KDM4A: variants seen among roughly 807,000 people sequenced by gnomAD.
KDM4A encodes lysine demethylase 4A, also known as lysine-specific demethylase 4A.
Under a neutral mutation model 127.1 loss-of-function variants are expected in KDM4A, and 23 were observed. The ratio of observed to expected loss-of-function variants is 0.18; its 90% CI spans 0.13 to 0.26. The LOEUF (loss-of-function observed/expected upper bound fraction) is 0.26, where lower values mean the gene tolerates loss of function less well. Ranked by LOEUF, KDM4A falls within the 10% of genes least tolerant of loss-of-function variation. The probability of loss-of-function intolerance (pLI) is 1.00; values close to 1 mark genes in which losing one functional copy is unlikely to be tolerated. For missense variants in KDM4A, 890 were observed against 1,329.1 expected, an observed-to-expected ratio of 0.67 and a Z score of 5.14; for synonymous variants, 443 against 466.5, an observed-to-expected ratio of 0.95 and a Z score of 0.65.
chr1:43,672,104 T>G (rs144128173), intron 11 of KDM4A, among the ~76,000 whole-genome samples: 179 of 152,318 alleles, frequency 1.2e-3, no homozygotes, highest in African/African-American at 4.2e-3. Flanking sequence ...TTTTCTGTTA[T>G]CCCTGTGGCT....
intron 19 of KDM4A, chr1:43,702,574 A>G (rs1424816082): frequency 1.3e-5 from 2 of 152,128 alleles, no homozygotes; most frequent in Admixed American, 6.5e-5. Flanking sequence ...CAGACCTTTC[A>G]TTCAGCCAAT....
rs866957416 is a variant in KDM4A at position 43,677,617 on chromosome 1, A to C, written c.1734+5742A>C. Among the ~76,000 whole-genome samples the C allele has an allele frequency of 2.0e-5, 3 of 152,164 alleles. 1 individual carries two copies. In the South Asian group the frequency reaches 6.2e-4, roughly 31 times the overall value. ...TTTTTCCTCACCATTGACTTAATCAAGAAGCTGTCATTGATTGTCCAGTAA... is the reference window on the plus strand; with the variant it reads ...TTTTTCCTCACCATTGACTTAATCACGAAGCTGTCATTGATTGTCCAGTAA... On this transcript the variant is annotated intron_variant, in intron 11 of 21. Coordinates refer to ENST00000372396, the MANE Select transcript of KDM4A (RefSeq NM_014663.3).
At position 43,698,037 on chromosome 1, in the gene KDM4A, AG is replaced by A. The variant is rs1453695082; in HGVS notation, c.2841+26del. On this transcript the variant is annotated intron_variant, in intron 19 of 21. Coordinates refer to ENST00000372396, the MANE Select transcript of KDM4A (RefSeq NM_014663.3). ...TGGTAATATCTGCAAGGAGCTTCTC[AG>A]GCAGTTTGGAATGGGGGGATGTTTC... The A allele has an allele frequency of 5.0e-6, 8 of 1,606,188 alleles. No homozygotes were observed. In the East Asian group the frequency reaches 1.8e-4, roughly 36 times the overall value.
At chr1:43,683,617 G>A (rs1570854441) in intron 11 of KDM4A, 67 bp from the exon 12 acceptor site, 4 of 1,545,594 alleles carry the variant, frequency 2.6e-6, no homozygotes, top group Non-Finnish European at 3.5e-6. Context: ...GGTTTTCATT[G>A]TAAGGGTGAC....
chr1:43,653,717 G>A (rs1385178532), intron 2 of KDM4A: 1 of 154,868 alleles, frequency 6.5e-6, no homozygotes, highest in African/African-American at 2.4e-5. Context: ...TTCTTCAAGG[G>A]GAGAGAATGC....
intron 10 of KDM4A, among the ~76,000 whole-genome samples, chr1:43,671,112 C>A (rs1276737934): frequency 1.3e-5 from 2 of 152,196 alleles, no homozygotes; most frequent in East Asian, 1.9e-4. Context: ...TTAACATCCA[C>A]CCTCTTAATA....
chr1:43,703,993 G>A, intron 20 of KDM4A, 27 bp from the exon 21 acceptor site: 1 of 1,599,660 alleles, frequency 6.3e-7, no homozygotes, highest in Non-Finnish European at 8.6e-7. Context: ...GGATATCCTA[G>A]CCAAAAGGCC....
intron 6 of KDM4A, 172 bp from the exon 7 acceptor site, chr1:43,666,280 G>A: frequency 1.7e-6 from 1 of 602,824 alleles, no homozygotes; most frequent in Non-Finnish European, 2.9e-6. Flanking sequence ...AGTGAGCCTA[G>A]AGGCTCATTG....
Position 43,666,638 on chromosome 1 carries a change from T to C in KDM4A, c.777+83T>C. 2.7e-6 allele frequency: 3 copies of C among 1,113,486 alleles called. No homozygotes were observed. The South Asian group carries it at 3.9e-5, about 15-fold the overall frequency. 69.0% of individuals were successfully genotyped at this position (1,113,486 alleles called of 1,614,324 possible). A position where few individuals can be genotyped will look rare whatever the true frequency, so the allele number is the denominator to read the frequency against. ...ACAGTTTTATTCTAGTTCATCACTATACCAAGAGGGGGCCAAAGCTTAAAT... is the reference window on the plus strand; with the variant it reads ...ACAGTTTTATTCTAGTTCATCACTACACCAAGAGGGGGCCAAAGCTTAAAT... On this transcript the variant is annotated intron_variant, in intron 7 of 21. Coordinates refer to ENST00000372396, the MANE Select transcript of KDM4A (RefSeq NM_014663.3).
In KDM4A at chr1:43,694,970, T is replaced by A; in HGVS notation, c.2670+76T>A. 1 of 1,337,496 alleles carries A rather than the reference T, an allele frequency of 7.5e-7. No homozygotes were observed. The highest frequency in any genetic ancestry group is 2.5e-5 in the East Asian group (1 of 40,776). The allele number at this position is 1,337,496 out of a possible 1,614,324, so 82.9% of individuals were successfully genotyped here. A position where few individuals can be genotyped will look rare whatever the true frequency, so the allele number is the denominator to read the frequency against. On this transcript the variant is annotated intron_variant, in intron 18 of 21. Transcript: ENST00000372396. The surrounding 1 kb of genome is among the most constrained non-coding windows in gnomAD (Gnocchi z 5.2). ...TTCTCTGCATGTTTTCCATTTGTTGTATCAGCAACTATTTCCTCAAGCATT... is the reference window on the plus strand; with the variant it reads ...TTCTCTGCATGTTTTCCATTTGTTGAATCAGCAACTATTTCCTCAAGCATT...
At chr1:43,677,354 A>G (rs1660765246) in intron 11 of KDM4A, among the ~76,000 whole-genome samples, 1 of 151,868 alleles carries the variant, frequency 6.6e-6, no homozygotes, top group African/African-American at 2.4e-5. Flanking sequence ...CAAAAAAAAA[A>G]AAAAAAAAAG....
rs142418212 is a variant in KDM4A, at chr1:43,690,946, G to T, written c.2139G>T (p.Ser713=). The change falls in exon 14 of 22, where the codon TCG becomes TCT. Residue 713 remains serine (S), a synonymous_variant. Transcript: ENST00000372396. ...KPLIPEMCFT[S]TGCSTDINLS... is the part of the protein sequence containing the mutation. ...TGATTCCAGAAATGTGCTTCACTTC[G>T]ACTGGCTGCAGCACGGACATCAACC... 1.2e-6 allele frequency: 2 copies of T among 1,614,042 alleles called. No individual in the cohort carries two copies. Among genetic ancestry groups the T allele is most frequent in the East Asian group, 2.2e-5 (1 of 44,898 alleles).
At chr1:43,651,439 G>A (rs1355731924) in intron 1 of KDM4A, among the ~76,000 whole-genome samples, 4 of 152,188 alleles carry the variant, frequency 2.6e-5, no homozygotes, top group Non-Finnish European at 5.9e-5. Context: ...TTAGAAACAC[G>A]CCTTATTTTT....
At chr1:43,666,929 C>G in intron 7 of KDM4A, 25 bp from the exon 8 acceptor site, 4 of 1,612,024 alleles carry the variant, frequency 2.5e-6, no homozygotes, top group Non-Finnish European at 3.4e-6. Context: ...TTTGAAGCAG[C>G]TGCTTCAAGT....
chr1:43,670,556 A>AT (rs35331772), intron 10 of KDM4A, among the ~76,000 whole-genome samples: 3,594 of 76,050 alleles, frequency 0.047, 242 homozygotes, highest in African/African-American at 0.15. Flanking sequence ...CGCCTGGCTA[A>AT]TTTTTTTTTT....
chr1:43,694,676 T>C lies in KDM4A; in HGVS notation c.2485-33T>C. The C allele has an allele frequency of 6.3e-7, 1 of 1,580,476 alleles. No homozygotes were observed. The highest frequency in any genetic ancestry group is 8.7e-7 in the Non-Finnish European group (1 of 1,153,662). ...CAGAGGAAGCTGCAGTGCCAGTTCC[T>C]GCAATCACTGGTTTTCTTCCCCTGT... is the stretch of plus-strand genomic sequence containing the variant. On this transcript the variant is annotated intron_variant, in intron 17 of 21. Transcript: ENST00000372396. This position sits in a 1 kb window ranked among gnomAD's most constrained non-coding sequence, Gnocchi z 5.2.
chr1:43,680,512 A>C (rs886933692), intron 11 of KDM4A, among the ~76,000 whole-genome samples: 1 of 152,224 alleles, frequency 6.6e-6, no homozygotes, highest in East Asian at 1.9e-4. Context: ...ACAGAGGCTG[A>C]AACACTTGTT....
At chr1:43,691,117 C>G (rs1661099361) in intron 14 of KDM4A, 68 bp downstream of exon 14, 2 of 1,509,930 alleles carry the variant, frequency 1.3e-6, no homozygotes, top group Non-Finnish European at 1.8e-6. Context: ...GAAGTTCTTG[C>G]CACCTCCTGG....
chr1:43,689,121 T>A, intron 13 of KDM4A, 26 bp downstream of exon 13: 1 of 1,607,416 alleles, frequency 6.2e-7, no homozygotes. Flanking sequence ...GCACTCTGTT[T>A]ACCCAGGACC....
Sources: gnomAD v4.1 joint callset for allele counts (sites outside exome capture counted in the v4.1 genomes callset) on GRCh38, gnomAD v4.1.1 for gene constraint, Gnocchi (gnomAD v3.1) non-coding constraint, MANE v1.5 for transcripts, NCBI Gene and HGNC (gene_info 2026-07-23, HGNC 2026-07-21) for gene names.